The following FAXC variants were observed in gnomAD, a reference collection of about 807,000 sequenced individuals.
FAXC encodes failed axon connections homolog.
FAXC carries 10 observed loss-of-function variants against 41.9 expected under a neutral mutation model. The observed-to-expected ratio is 0.24, with a 90% CI of 0.15 to 0.41. The LOEUF (loss-of-function observed/expected upper bound fraction) is 0.41, where lower values mean the gene tolerates loss of function less well. Among genes scored for constraint, FAXC ranks in the 10% least tolerant of loss-of-function variants. The pLI, the probability that FAXC is intolerant of heterozygous loss-of-function variation, is 1.00. For synonymous variants in FAXC, 183 were observed against 183.8 expected (o/e 1.00, Z 0.03); for missense variants, 399 against 510.9 (o/e 0.78, Z 2.11).
rs560631383 is a variant in FAXC, at chr6:99,318,930, T to C, written c.823+4514A>G. ...TCCCAAAAACCTCACCTCTCTGTTTTTGATTTTCATGTCTTCTTTGCTCTT... is the reference window on the plus strand; with the variant it reads ...TCCCAAAAACCTCACCTCTCTGTTTCTGATTTTCATGTCTTCTTTGCTCTT... On this transcript the variant is annotated intron_variant, in intron 4 of 5. Transcript: ENST00000389677. Among the ~76,000 whole-genome samples, 60 of 152,298 alleles carry C rather than the reference T, an allele frequency of 3.9e-4. 2 individuals carry two copies. The South Asian group carries it at 0.011, about 29-fold the overall frequency.
chr6:99,296,616 GC>G (rs1282555531), intron 4 of FAXC, among the ~76,000 whole-genome samples: 30 of 152,184 alleles, frequency 2.0e-4, no homozygotes. Flanking sequence ...CCCCAAGGGT[GC>G]AGAGCCCTCC....
intron 1 of FAXC, among the ~76,000 whole-genome samples, chr6:99,348,355 C>G (rs1773670380): frequency 6.6e-6 from 1 of 152,154 alleles, no homozygotes; most frequent in Non-Finnish European, 1.5e-5. Flanking sequence ...AAATCTCGTC[C>G]CGGCTGGATG....
In FAXC at chr6:99,321,738, C is replaced by T. The variant is rs1168908614; in HGVS notation, c.823+1706G>A. On this transcript the variant is annotated intron_variant, in intron 4 of 5. Coordinates refer to ENST00000389677, the MANE Select transcript of FAXC (RefSeq NM_032511.4). ...AGAAAGCATTGTCTAAATCGCTAAACGCGAGAGAAACAATTGTCAGTTACC... is the reference window on the plus strand; with the variant it reads ...AGAAAGCATTGTCTAAATCGCTAAATGCGAGAGAAACAATTGTCAGTTACC... Among the ~76,000 whole-genome samples the T allele has an allele frequency of 6.0e-4, 92 of 152,242 alleles. 1 individual carries two copies. The highest frequency in any genetic ancestry group is 4.4e-5 in the Non-Finnish European group (3 of 68,044).
rs1770538127 is a variant in FAXC, at chr6:99,274,720, G to A, written c.*6444C>T. The A allele has an allele frequency of 6.6e-6, 1 of 152,124 alleles. No homozygotes were observed. Among genetic ancestry groups the A allele is most frequent in the South Asian group, 2.1e-4 (1 of 4,824 alleles). 9.4% of individuals were successfully genotyped at this position (152,124 alleles called of 1,614,324 possible). On this transcript the variant is annotated 3_prime_UTR_variant, in exon 6 of 6. Transcript: ENST00000389677. The stretch of plus-strand genomic sequence containing the variant: ...ACATGTCACCCCTACTGAAGCAGAA[G>A]CCTTTAGCCTTATTTCTGTAAAAAA...
chr6:99,325,809 T>G (rs1275974535), intron 3 of FAXC, among the ~76,000 whole-genome samples: 1 of 152,204 alleles, frequency 6.6e-6, no homozygotes, highest in South Asian at 2.1e-4. Flanking sequence ...AAATTGAACA[T>G]GAGCAAGTAA....
At chr6:99,285,291 A>C (rs562841048) in intron 5 of FAXC, among the ~76,000 whole-genome samples, 4 of 152,348 alleles carry the variant, frequency 2.6e-5, no homozygotes, top group African/African-American at 9.6e-5. Flanking sequence ...AAGAGAAGTA[A>C]ATGATGAAAA....
intron 4 of FAXC, among the ~76,000 whole-genome samples, chr6:99,318,400 A>G (rs1027910256): frequency 4.6e-5 from 7 of 152,150 alleles, no homozygotes; most frequent in African/African-American, 1.7e-4. Context: ...ATGCACCAAA[A>G]TGGTAACAGT....
At chr6:99,336,102 A>G (rs1473519114) in intron 2 of FAXC, among the ~76,000 whole-genome samples, 1 of 152,146 alleles carries the variant, frequency 6.6e-6, no homozygotes, top group Non-Finnish European at 1.5e-5. Context: ...TTTTACAGAC[A>G]CGGGTGTCTC....
At chr6:99,295,362 T>C (rs1041671338) in intron 4 of FAXC, among the ~76,000 whole-genome samples, 1 of 152,224 alleles carries the variant, frequency 6.6e-6, no homozygotes. Context: ...GTTGCAAAAA[T>C]AGCACAGTGT....
chr6:99,343,105 G>A (rs1773480376), intron 1 of FAXC, 72 bp from the exon 2 acceptor site: 3 of 1,391,330 alleles, frequency 2.2e-6, no homozygotes, highest in Non-Finnish European at 2.9e-6. Context: ...TTTCTTGAGA[G>A]GACCCTGCAG....
intron 2 of FAXC, among the ~76,000 whole-genome samples, chr6:99,336,737 T>C (rs532598416): frequency 4.4e-4 from 67 of 152,266 alleles, no homozygotes; most frequent in Middle Eastern, 6.8e-3. Flanking sequence ...CTCAGTGTCC[T>C]CATCTGTAGA....
intron 5 of FAXC, among the ~76,000 whole-genome samples, chr6:99,288,516 G>A (rs984443090): frequency 6.6e-6 from 1 of 152,144 alleles, no homozygotes; most frequent in African/African-American, 2.4e-5. Flanking sequence ...TCTTTTAGAC[G>A]ACTATGGAAA....
At chr6:99,281,600 G>A (rs890582975) in intron 5 of FAXC, 147 bp from the exon 6 acceptor site, 43 of 678,558 alleles carry the variant, frequency 6.3e-5, no homozygotes, top group Non-Finnish European at 9.9e-5. Flanking sequence ...GAGGTGGTTC[G>A]TTCATGAGGC....
intron 2 of FAXC, among the ~76,000 whole-genome samples, chr6:99,339,483 A>G (rs1279050719): frequency 1.3e-5 from 2 of 152,232 alleles, no homozygotes; most frequent in South Asian, 2.1e-4. Context: ...AAATAACTAG[A>G]TAAGTACCAC....
chr6:99,299,414 G>T (rs943881926), intron 4 of FAXC, among the ~76,000 whole-genome samples: 2 of 152,146 alleles, frequency 1.3e-5, no homozygotes, highest in African/African-American at 4.8e-5. Flanking sequence ...GATTTTCCAA[G>T]ACTCATTTCC....
intron 4 of FAXC, among the ~76,000 whole-genome samples, chr6:99,318,306 C>CACAAAAA (rs147852055): frequency 7.4e-4 from 100 of 135,316 alleles, no homozygotes; most frequent in African/African-American, 2.6e-3. Flanking sequence ...CACACACACA[C>CACAAAAA]AAAATAGAAG....
In FAXC at chr6:99,278,780, C is replaced by G. The variant is rs1279328460; in HGVS notation, c.*2384G>C. On this transcript the variant is annotated 3_prime_UTR_variant, in exon 6 of 6. Coordinates refer to ENST00000389677, the MANE Select transcript of FAXC (RefSeq NM_032511.4). ...CTCCAGATAGCAATGTCCATTCATG[C>G]CCCTGTAAGAGGTACCTGGATGGAA... 1 of 152,176 alleles carries G rather than the reference C, an allele frequency of 6.6e-6. No homozygotes were observed. The highest frequency in any genetic ancestry group is 2.4e-5 in the African/African-American group (1 of 41,450). The allele number at this position is 152,176 out of a possible 1,614,324, so 9.4% of individuals were successfully genotyped here.
At position 99,349,384 on chromosome 6, in the gene FAXC, G is replaced by A; in HGVS notation, c.-12C>T. 1 of 1,594,524 alleles carries A rather than the reference G, an allele frequency of 6.3e-7. No homozygotes were observed. ...ACCCCCCAGTGCATGCTGCGCGGCT[G>A]GCTCCGGGCGCCCCTCCCAGGGCCC... On this transcript the variant is annotated 5_prime_UTR_variant, in exon 1 of 6. Transcript: ENST00000389677.
At chr6:99,309,313 C>T (rs1055092780) in intron 4 of FAXC, among the ~76,000 whole-genome samples, 1 of 151,840 alleles carries the variant, frequency 6.6e-6, no homozygotes, top group Non-Finnish European at 1.5e-5. Flanking sequence ...TAAAATATAC[C>T]CAGGATAAAG....
Sources: gnomAD v4.1 joint callset for allele counts (sites outside exome capture counted in the v4.1 genomes callset) on GRCh38, gnomAD v4.1.1 for gene constraint, MANE v1.5 for transcripts, NCBI Gene and HGNC (gene_info 2026-07-23, HGNC 2026-07-21) for gene names.